ASCC3: variants seen among roughly 807,000 people sequenced by gnomAD.
ASCC3 encodes the protein ASC-1 complex subunit P200.
Under a neutral mutation model 256.3 loss-of-function variants are expected in ASCC3, and 158 were observed. The ratio of observed to expected loss-of-function variants is 0.62; its 90% CI spans 0.54 to 0.70. The LOEUF is 0.70. Ranked by LOEUF, ASCC3 falls within the 30% of genes least tolerant of loss-of-function variation. The pLI is 0.00. For synonymous variants in ASCC3, 948 were observed against 883.4 expected (o/e 1.07, Z -1.30); for missense variants, 2,259 against 2,626.0 (o/e 0.86, Z 3.05).
At chr6:100,619,752 C>A (rs1315341343) in intron 30 of ASCC3, among the ~76,000 whole-genome samples, 3 of 151,946 alleles carry the variant, frequency 2.0e-5, no homozygotes, top group Non-Finnish European at 4.4e-5. Context: ...TAATTTTATT[C>A]CTCTTCCCTC....
intron 13 of ASCC3, among the ~76,000 whole-genome samples, chr6:100,683,150 T>C (rs1016699359): frequency 3.3e-5 from 5 of 152,132 alleles, no homozygotes; most frequent in Non-Finnish European, 4.4e-5. Context: ...ACATATGAAA[T>C]ATCAGGAAAT....
intron 1 of ASCC3, among the ~76,000 whole-genome samples, chr6:100,868,492 A>G (rs1396584080): frequency 2.0e-5 from 3 of 152,176 alleles, no homozygotes; most frequent in Admixed American, 1.3e-4. Context: ...GATGCCTCCT[A>G]AGATGCAGCC....
At chr6:100,785,617 G>C (rs1045589003) in intron 8 of ASCC3, among the ~76,000 whole-genome samples, 1 of 151,972 alleles carries the variant, frequency 6.6e-6, no homozygotes, top group Admixed American at 6.6e-5. Context: ...TCACTATGTT[G>C]CCCAGGCTGG....
intron 3 of ASCC3, among the ~76,000 whole-genome samples, chr6:100,855,140 G>T (rs916755465): frequency 6.6e-6 from 1 of 150,866 alleles, no homozygotes; most frequent in African/African-American, 2.4e-5. Flanking sequence ...TAGAGACAGG[G>T]TCTGACTCTG....
At chr6:100,544,591 C>CA (rs559121816) in intron 36 of ASCC3, among the ~76,000 whole-genome samples, 270 of 148,352 alleles carry the variant, frequency 1.8e-3, no homozygotes, top group African/African-American at 5.7e-3. Context: ...CCTTGAAAGA[C>CA]AAAAAAAAAG....
intron 10 of ASCC3, 138 bp from the exon 11 acceptor site, chr6:100,725,841 C>G: frequency 2.4e-6 from 2 of 819,062 alleles, no homozygotes; most frequent in Non-Finnish European, 3.9e-6. Context: ...AGAATTACAT[C>G]TAATTTACTA....
chr6:100,547,187 A>C (rs763414422), intron 36 of ASCC3, among the ~76,000 whole-genome samples: 2 of 152,116 alleles, frequency 1.3e-5, no homozygotes, highest in Non-Finnish European at 2.9e-5. Flanking sequence ...AAAAAGAATC[A>C]ACTTCAATCC....
At chr6:100,537,004 T>C (rs1392781575) in intron 37 of ASCC3, among the ~76,000 whole-genome samples, 1 of 152,012 alleles carries the variant, frequency 6.6e-6, no homozygotes, top group East Asian at 1.9e-4. Context: ...AAAAAGAAAA[T>C]CACAGTAGTA....
chr6:100,688,616 C>T (rs186686047), intron 13 of ASCC3, among the ~76,000 whole-genome samples: 18 of 152,136 alleles, frequency 1.2e-4, no homozygotes, highest in African/African-American at 2.7e-4. Flanking sequence ...AATTCAGATG[C>T]GTCTCTCTTA....
At chr6:100,515,404 G>A (rs918237118) in intron 39 of ASCC3, among the ~76,000 whole-genome samples, 5 of 152,018 alleles carry the variant, frequency 3.3e-5, no homozygotes, top group South Asian at 4.1e-4. Flanking sequence ...AAAAAGACAC[G>A]GTTTAGAAGT....
At chr6:100,852,206 C>T (rs1343748284) in intron 3 of ASCC3, among the ~76,000 whole-genome samples, 1 of 152,122 alleles carries the variant, frequency 6.6e-6, no homozygotes, top group African/African-American at 2.4e-5. Context: ...CTGAAGAAAA[C>T]GATGCAGTCA....
intron 24 of ASCC3, 31 bp downstream of exon 24, chr6:100,642,550 C>A (rs746722504): frequency 5.0e-6 from 8 of 1,610,744 alleles, no homozygotes; most frequent in South Asian, 1.1e-5. Context: ...TTGGAAAAAT[C>A]AATGATTCAA....
chr6:100,608,100 A>G (rs1226723088), intron 30 of ASCC3, among the ~76,000 whole-genome samples: 2 of 124,788 alleles, frequency 1.6e-5, no homozygotes, highest in African/African-American at 6.7e-5. Flanking sequence ...CTATATACAC[A>G]TATATATGTA....
intron 37 of ASCC3, among the ~76,000 whole-genome samples, chr6:100,527,830 TTTGTTTTTTTTTTTG>T (rs1288877901): frequency 6.6e-6 from 1 of 151,854 alleles, no homozygotes; most frequent in Non-Finnish European, 1.5e-5. Flanking sequence ...ACACATCTTC[TTTGTTTTTTTTTTTG>T]TTGTTTTTTT....
At chr6:100,847,947 C>T in intron 4 of ASCC3, 1 of 489,540 alleles carries the variant, frequency 2.0e-6, no homozygotes, top group East Asian at 3.2e-5. Context: ...TCCTCTGCTA[C>T]ACTCATTACA....
At chr6:100,731,136 A>G (rs1779885325) in intron 10 of ASCC3, among the ~76,000 whole-genome samples, 1 of 152,216 alleles carries the variant, frequency 6.6e-6, no homozygotes, top group Non-Finnish European at 1.5e-5. Context: ...GGATAATTCA[A>G]GAAGAAATTC....
chr6:100,798,498 A>C (rs1005551227), intron 8 of ASCC3, among the ~76,000 whole-genome samples: 2 of 152,098 alleles, frequency 1.3e-5, no homozygotes, highest in African/African-American at 4.8e-5. Flanking sequence ...ACATAGAAAT[A>C]TATGCACAAA....
chr6:100,640,102 G>T (rs1582615647), intron 24 of ASCC3, among the ~76,000 whole-genome samples: 1 of 151,978 alleles, frequency 6.6e-6, no homozygotes, highest in South Asian at 2.1e-4. Flanking sequence ...GTGAAAGAGT[G>T]AAACTCTGTC....
chr6:100,816,567 C>T (rs1770757982), intron 4 of ASCC3, among the ~76,000 whole-genome samples: 1 of 152,128 alleles, frequency 6.6e-6, no homozygotes. Flanking sequence ...TTATGGAATA[C>T]TATGCAGCCA....
Sources: gnomAD v4.1 joint callset for allele counts (sites outside exome capture counted in the v4.1 genomes callset) on GRCh38, gnomAD v4.1.1 for gene constraint, MANE v1.5 for transcripts, NCBI Gene and HGNC (gene_info 2026-07-23, HGNC 2026-07-21) for gene names.